Variants in LRPPRC observed in about 807,000 individuals in gnomAD.
LRPPRC encodes leucine-rich PPR motif-containing protein, mitochondrial.
LRPPRC carries 120 observed loss-of-function variants against 180.3 expected under a neutral mutation model. That is an observed-to-expected ratio of 0.67 (90% CI 0.57 to 0.77). The LOEUF (loss-of-function observed/expected upper bound fraction) is 0.77. LRPPRC is among the 30% of genes least tolerant of loss of function. The probability of loss-of-function intolerance (pLI) is 0.00; values close to 1 mark genes in which losing one functional copy is unlikely to be tolerated. For missense variants in LRPPRC, 2,012 were observed against 1,657.2 expected, an observed-to-expected ratio of 1.21 and a Z score of -3.72; for synonymous variants, 723 against 600.0, an observed-to-expected ratio of 1.21 and a Z score of -3.00.
intron 1 of LRPPRC, among the ~76,000 whole-genome samples, chr2:43,991,640 G>C (rs1674786447): frequency 1.3e-5 from 2 of 152,164 alleles, no homozygotes; most frequent in African/African-American, 4.8e-5. Flanking sequence ...TCACCTCAAA[G>C]AGAACAGAGT....
intron 27 of LRPPRC, among the ~76,000 whole-genome samples, chr2:43,922,645 G>C (rs560691818): frequency 6.6e-6 from 1 of 152,284 alleles, no homozygotes; most frequent in East Asian, 1.9e-4. Context: ...TGTAGTCCCA[G>C]CTACTGGGAA....
chr2:43,903,074 T>G (rs910702830), intron 31 of LRPPRC: 7 of 152,152 alleles, frequency 4.6e-5, no homozygotes, highest in African/African-American at 1.7e-4. Flanking sequence ...CGTCTATGAG[T>G]GCGCGTGTGC....
chr2:43,963,205 G>A (rs1478513332), intron 12 of LRPPRC, among the ~76,000 whole-genome samples: 1 of 152,194 alleles, frequency 6.6e-6, no homozygotes, highest in Non-Finnish European at 1.5e-5. Flanking sequence ...AACACTATGA[G>A]AGGCTGAGGC....
At chr2:43,982,066 C>T (rs1462072844) in intron 2 of LRPPRC, among the ~76,000 whole-genome samples, 172 bp downstream of exon 2, 2 of 152,130 alleles carry the variant, frequency 1.3e-5, no homozygotes, top group African/African-American at 4.8e-5. Context: ...CGCCACCATG[C>T]CTGGCTAATT....
intron 1 of LRPPRC, among the ~76,000 whole-genome samples, chr2:43,987,668 T>C (rs1674590203): frequency 6.6e-6 from 1 of 152,152 alleles, no homozygotes. Context: ...TGTCTGAGGC[T>C]CTTGATGAAC....
upstream of LRPPRC, chr2:43,996,050 G>T (rs1031467351): frequency 4.1e-6 from 5 of 1,210,118 alleles, no homozygotes; most frequent in South Asian, 4.1e-5. Context: ...TGCCGGGCGT[G>T]CCAAATGTGG....
In LRPPRC at chr2:43,964,281, C is replaced by T. The variant is rs72879126; in HGVS notation, c.1370-575G>A. On this transcript the variant is annotated intron_variant, in intron 11 of 37. Coordinates refer to ENST00000260665, the MANE Select transcript of LRPPRC (RefSeq NM_133259.4). ...GTTGTTTCCTCTATCTCATTTCCCA[C>T]TCACAAAAATCTCTTTTAATAACTT... Among the ~76,000 whole-genome samples the T allele has an allele frequency of 5.2e-3, 787 of 152,240 alleles. 8 individuals carry two copies. The highest frequency in any genetic ancestry group is 0.016 in the African/African-American group (679 of 41,528).
At chr2:43,985,915 T>C (rs959002309) in intron 1 of LRPPRC, among the ~76,000 whole-genome samples, 4 of 152,228 alleles carry the variant, frequency 2.6e-5, no homozygotes, top group African/African-American at 7.2e-5. Context: ...CTATACCATT[T>C]TGCTTTCCTA....
chr2:43,896,579 T>C, intron 35 of LRPPRC, 55 bp downstream of exon 35: 1 of 1,123,056 alleles, frequency 8.9e-7, no homozygotes, highest in Non-Finnish European at 1.4e-6. Context: ...AATTCAATAC[T>C]TCTGAGCAAG....
At chr2:43,968,943 T>A (rs1362700228) in intron 11 of LRPPRC, among the ~76,000 whole-genome samples, 3 of 152,248 alleles carry the variant, frequency 2.0e-5, no homozygotes, top group African/African-American at 7.2e-5. Context: ...GGTTGTTAAT[T>A]AACTTGACTA....
intron 1 of LRPPRC, among the ~76,000 whole-genome samples, chr2:43,988,955 G>A (rs147398824): frequency 0.014 from 2,130 of 152,044 alleles, 50 homozygotes; most frequent in African/African-American, 0.047. Context: ...CTGCAGCTTT[G>A]AACTCCTGGC....
At chr2:43,911,523 C>CTTTTTTTTTTTTTT (rs531172761) in intron 30 of LRPPRC, among the ~76,000 whole-genome samples, 1 of 92,372 alleles carries the variant, frequency 1.1e-5, no homozygotes, top group African/African-American at 4.3e-5. Context: ...TCTTCTTCTT[C>CTTTTTTTTTTTTTT]TTTTTTTTTT....
chr2:43,912,819 TTTC>T lies in LRPPRC; in HGVS notation c.3149-264_3149-262del, dbSNP rs1405410493. 6.6e-5 allele frequency among the ~76,000 whole-genome samples: 10 copies of T among 152,306 alleles called. No individual in the cohort carries two copies. The East Asian group carries it at 1.9e-3, about 29-fold the overall frequency. ...TCTTAAAATGATTTCTCATACCAGC[TTTC>T]TTAAGTTGATACATTATTTTCTTTG... On this transcript the variant is annotated intron_variant, in intron 29 of 37. Coordinates refer to ENST00000260665, the MANE Select transcript of LRPPRC (RefSeq NM_133259.4).
At chr2:43,906,892 A>T (rs909729548) in intron 30 of LRPPRC, among the ~76,000 whole-genome samples, 8 of 152,124 alleles carry the variant, frequency 5.3e-5, no homozygotes, top group African/African-American at 1.2e-4. Flanking sequence ...ATCCCACCAA[A>T]GTACCCATTG....
intron 27 of LRPPRC, among the ~76,000 whole-genome samples, chr2:43,924,571 A>G (rs192523596): frequency 9.9e-5 from 15 of 152,214 alleles, no homozygotes; most frequent in Non-Finnish European, 2.1e-4. Flanking sequence ...GTGATTAAAT[A>G]TAGAAAAATG....
At chr2:43,904,468 GA>G (rs1461317948) in intron 31 of LRPPRC, 1 of 151,940 alleles carries the variant, frequency 6.6e-6, no homozygotes, top group African/African-American at 2.4e-5. Context: ...CGAGGTGGGA[GA>G]ATTATTTGAG....
chr2:43,975,239 AGATT>A (rs1674001132), intron 6 of LRPPRC, 22 bp from the exon 7 acceptor site: 4 of 1,607,656 alleles, frequency 2.5e-6, no homozygotes, highest in South Asian at 1.1e-5. Flanking sequence ...TTCAAAAAAC[AGATT>A]ATTATGCTTT....
chr2:43,927,920 C>T (rs925795215), intron 25 of LRPPRC, among the ~76,000 whole-genome samples: 4 of 152,158 alleles, frequency 2.6e-5, no homozygotes, highest in African/African-American at 7.2e-5. Context: ...TATCTCTTAA[C>T]ATCTTATTGA....
intron 25 of LRPPRC, among the ~76,000 whole-genome samples, chr2:43,931,220 G>GA (rs1672076773): frequency 6.6e-6 from 1 of 152,080 alleles, no homozygotes; most frequent in Non-Finnish European, 1.5e-5. Flanking sequence ...ACAAAGATGA[G>GA]AAAAAAGTTC....
Sources: gnomAD v4.1 joint callset for allele counts (sites outside exome capture counted in the v4.1 genomes callset) on GRCh38, gnomAD v4.1.1 for gene constraint, MANE v1.5 for transcripts, NCBI Gene and HGNC (gene_info 2026-07-23, HGNC 2026-07-21) for gene names.